Variants in CNTN1 observed in about 807,000 individuals in gnomAD.
CNTN1 encodes the protein contactin-1.
Under a neutral mutation model 126.4 loss-of-function variants are expected in CNTN1, and 38 were observed. The ratio of observed to expected loss-of-function variants is 0.30; its 90% confidence interval spans 0.23 to 0.39. The LOEUF (loss-of-function observed/expected upper bound fraction) is 0.39, where lower values mean the gene tolerates loss of function less well. CNTN1 is among the 10% of genes least tolerant of loss of function. The probability of loss-of-function intolerance (pLI) is 1.00; values close to 1 mark genes in which losing one functional copy is unlikely to be tolerated. For synonymous variants in CNTN1, 413 were observed against 422.6 expected (o/e 0.98, Z 0.28); for missense variants, 1,009 against 1,248.4 (o/e 0.81, Z 2.89).
chr12:40,694,393 C>A (rs557472736), intron 1 of CNTN1, among the ~76,000 whole-genome samples: 37 of 152,306 alleles, frequency 2.4e-4, no homozygotes, highest in Non-Finnish European at 4.4e-4. Flanking sequence ...TGATGACAAC[C>A]TTTCCATTTT....
rs531160128 is a variant in CNTN1 at position 40,909,774 on chromosome 12, A to G, written c.62-299A>G. On this transcript the variant is annotated intron_variant, in intron 2 of 23. Coordinates refer to ENST00000551295, the MANE Select transcript of CNTN1 (RefSeq NM_001843.4). ...CATATATATAATGTAAATATAATAA[A>G]GAAAAAATTTGGTAAAGTCATTGTG... 3.4e-4 allele frequency among the ~76,000 whole-genome samples: 52 copies of G among 151,776 alleles called. 2 individuals are homozygous for G. The East Asian group carries it at 0.01, about 29-fold the overall frequency.
intron 1 of CNTN1, among the ~76,000 whole-genome samples, chr12:40,829,077 G>A (rs1219987500): frequency 1.3e-5 from 2 of 151,946 alleles, no homozygotes; most frequent in South Asian, 2.1e-4. Context: ...AGTACTATAC[G>A]AGTATATTTG....
intron 1 of CNTN1, among the ~76,000 whole-genome samples, chr12:40,864,278 T>A (rs1321099066): frequency 6.6e-6 from 1 of 151,796 alleles, no homozygotes; most frequent in Admixed American, 6.6e-5. Flanking sequence ...CCTTGGCCTC[T>A]CAAAGTGCTG....
At chr12:40,795,274 TACACACACACACACACACACAC>T (rs71078269) in intron 1 of CNTN1, among the ~76,000 whole-genome samples, 19 of 124,158 alleles carry the variant, frequency 1.5e-4, no homozygotes, top group African/African-American at 5.8e-4. Flanking sequence ...TCTACATGTA[TACACACACACACACACACACAC>T]ACACACACAC....
intron 15 of CNTN1, among the ~76,000 whole-genome samples, chr12:40,979,801 C>A (rs1198453416): frequency 6.6e-6 from 1 of 152,020 alleles, no homozygotes; most frequent in African/African-American, 2.4e-5. Flanking sequence ...CTTTTAATTT[C>A]TATTTCCCAG....
intron 1 of CNTN1, among the ~76,000 whole-genome samples, chr12:40,799,043 A>G (rs966384742): frequency 6.6e-6 from 1 of 151,864 alleles, no homozygotes; most frequent in African/African-American, 2.4e-5. Flanking sequence ...CAAGTCTCTT[A>G]GGTTATCGGA....
At chr12:40,721,340 C>T (rs1942205595) in intron 1 of CNTN1, among the ~76,000 whole-genome samples, 1 of 151,762 alleles carries the variant, frequency 6.6e-6, no homozygotes, top group African/African-American at 2.4e-5. Flanking sequence ...GGACCACCTC[C>T]TTTTTTTTAT....
intron 1 of CNTN1, among the ~76,000 whole-genome samples, chr12:40,879,233 A>G (rs1943790898): frequency 6.6e-6 from 1 of 152,132 alleles, no homozygotes; most frequent in Admixed American, 6.6e-5. Flanking sequence ...CTGTTTCTTT[A>G]TAGAACATTG....
At chr12:41,014,142 G>A in intron 17 of CNTN1, 86 bp from the exon 18 acceptor site, 4 of 1,212,778 alleles carry the variant, frequency 3.3e-6, no homozygotes, top group East Asian at 2.5e-5. Context: ...TGTGGTTTCT[G>A]TGGTGAATAA....
At chr12:40,963,226 T>C (rs1048967119) in intron 15 of CNTN1, among the ~76,000 whole-genome samples, 6 of 152,090 alleles carry the variant, frequency 3.9e-5, no homozygotes, top group South Asian at 2.1e-4. Context: ...CTGAGCAACA[T>C]GGCAAAAAAC....
intron 14 of CNTN1, among the ~76,000 whole-genome samples, chr12:40,950,715 G>A (rs1311847112): frequency 6.6e-6 from 1 of 151,902 alleles, no homozygotes; most frequent in Non-Finnish European, 1.5e-5. Context: ...ATACCTAACT[G>A]CTATATTTTA....
chr12:40,729,828 C>A, intron 1 of CNTN1: 1 of 192,576 alleles, frequency 5.2e-6, no homozygotes, highest in Admixed American at 5.0e-5. Flanking sequence ...CCTTGCTGGT[C>A]ACAGACACTG....
chr12:40,813,627 CTA>C (rs1941164667), intron 1 of CNTN1, among the ~76,000 whole-genome samples: 1 of 152,138 alleles, frequency 6.6e-6, no homozygotes, highest in South Asian at 2.1e-4. Context: ...CAAGTCTTTG[CTA>C]TTGTAAATAG....
In CNTN1 at chr12:40,929,886, T is replaced by C; in HGVS notation, c.587T>C (p.Leu196Pro). The C allele has an allele frequency of 6.2e-7, 1 of 1,612,888 alleles. No homozygotes were observed. Among genetic ancestry groups the C allele is most frequent in the Non-Finnish European group, 8.5e-7 (1 of 1,179,134 alleles). Residue 196 changes from leucine (L) to proline (P), a missense_variant, in exon 7 of 24, where the codon CTC becomes CCC. Transcript: ENST00000551295. Reference protein sequence around the residue: ...RRFVSQTNGNLYIANVEASDK... With the variant: ...RRFVSQTNGNPYIANVEASDK... ...TTTGTGTCTCAGACAAATGGCAATC[T>C]CTACATTGCAAATGTTGAGGCTTCC...
At chr12:40,981,972 T>C (rs1321382140) in intron 16 of CNTN1, among the ~76,000 whole-genome samples, 1 of 152,008 alleles carries the variant, frequency 6.6e-6, no homozygotes, top group Non-Finnish European at 1.5e-5. Context: ...CTCCCAAATC[T>C]GCTTTCATTT....
intron 1 of CNTN1, among the ~76,000 whole-genome samples, chr12:40,852,202 A>G (rs7965516): frequency 0.017 from 2,560 of 152,296 alleles, 72 homozygotes; most frequent in African/African-American, 0.058. Context: ...AATAATAATA[A>G]CAAAAAGCAA....
At position 40,937,685 on chromosome 12, in the gene CNTN1, T is replaced by C; in HGVS notation, c.1226T>C (p.Leu409Ser). ...TATGCAAATGCTGAGTTGAAGATCT[T>C]GGGTCAGTATCATTTCTAATTTCTG... ...AIYANAELKI[L>S]ALAPTFEMNP... Residue 409 changes from leucine to serine, a missense_variant and splice_region_variant, in exon 11 of 24, where the codon TTG becomes TCG. Physicochemically the swap from Leu to Ser is moderately radical, Grantham distance 145. Transcript: ENST00000551295. 6.5e-7 allele frequency: 1 copy of C among 1,540,602 alleles called. No individual in the cohort carries two copies. Among genetic ancestry groups the C allele is most frequent in the Non-Finnish European group, 9.0e-7 (1 of 1,113,306 alleles).
intron 1 of CNTN1, among the ~76,000 whole-genome samples, chr12:40,735,359 A>G (rs1382103437): frequency 6.6e-6 from 1 of 152,158 alleles, no homozygotes; most frequent in Admixed American, 6.6e-5. Context: ...AAAGAAACGT[A>G]ACTAGAATAT....
intron 17 of CNTN1, among the ~76,000 whole-genome samples, chr12:41,012,444 T>C (rs1308549252): frequency 6.6e-6 from 1 of 152,036 alleles, no homozygotes; most frequent in Non-Finnish European, 1.5e-5. Flanking sequence ...AAGAAAGAAA[T>C]TATGATAGGA....
Sources: allele counts gnomAD v4.1 joint callset (sites outside exome capture counted in the v4.1 genomes callset), GRCh38; gene constraint gnomAD v4.1.1; transcripts MANE v1.5; gene names NCBI Gene and HGNC (gene_info 2026-07-23, HGNC 2026-07-21).